The following LTV1 variants were observed in gnomAD, a reference collection of about 807,000 sequenced individuals.
LTV1 encodes the protein LTV1 ribosome biogenesis factor.
In LTV1, 39 loss-of-function variants were observed where a neutral mutation model predicts 59.9. The observed-to-expected ratio is 0.65, with a 90% CI of 0.50 to 0.85. The LOEUF (loss-of-function observed/expected upper bound fraction) is 0.85. Among genes scored for constraint, LTV1 ranks in the 40% least tolerant of loss-of-function variants. The pLI is 0.00. For missense variants in LTV1, 493 were observed against 549.1 expected (o/e 0.90, Z 1.02); for synonymous variants, 171 against 189.5 (o/e 0.90, Z 0.80).
chr6:143,844,589 C>T lies in LTV1; in HGVS notation c.107C>T (p.Pro36Leu). ...RDPLAADESA[P>L]QRVLLPTQKI... Reference sequence around the variant, plus strand: ...CCTTTAGCAGCAGATGAGAGTGCACCCCAGAGGGTTCTATTGCCCACACAA... The same window carrying T: ...CCTTTAGCAGCAGATGAGAGTGCACTCCAGAGGGTTCTATTGCCCACACAA... Residue 36 changes from proline (P) to leucine (L), a missense_variant, in exon 2 of 11, where the codon CCC (proline) becomes CTC (leucine). Coordinates refer to ENST00000367576, the MANE Select transcript of LTV1 (RefSeq NM_032860.5). 6.2e-7 allele frequency: 1 copy of T among 1,613,928 alleles called. No homozygotes were observed. The highest frequency in any genetic ancestry group is 8.5e-7 in the Non-Finnish European group (1 of 1,179,996).
rs962387006 is a variant in LTV1, at chr6:143,863,198, T to C, written c.1229T>C (p.Leu410Pro). 1.2e-6 allele frequency: 2 copies of C among 1,613,884 alleles called. No individual in the cohort carries two copies. The highest frequency in any genetic ancestry group is 2.7e-5 in the African/African-American group (2 of 74,918). ...ERIQMINGSD[L>P]PKVSTQPRSK... ...ATACAGATGATTAATGGCAGTGATCTTCCTAAAGTATCAACTCAGCCACGT... is the reference window on the plus strand; with the variant it reads ...ATACAGATGATTAATGGCAGTGATCCTCCTAAAGTATCAACTCAGCCACGT... The change falls in exon 10 of 11, where the codon CTT becomes CCT. Residue 410 changes from leucine to proline, a missense_variant. Leu to Pro is a moderately conservative substitution (Grantham distance 98). Coordinates refer to ENST00000367576, the MANE Select transcript of LTV1 (RefSeq NM_032860.5). This position sits in a 1 kb window ranked among gnomAD's most constrained non-coding sequence, Gnocchi z 4.5.
intron 6 of LTV1, 66 bp from the exon 7 acceptor site, chr6:143,860,357 ATTT>A: frequency 7.0e-7 from 1 of 1,435,084 alleles, no homozygotes; most frequent in Non-Finnish European, 9.5e-7. Flanking sequence ...ATGTAAAAAA[ATTT>A]TTAAGTGTGT....
intron 4 of LTV1, among the ~76,000 whole-genome samples, chr6:143,851,381 A>G (rs1247068122): frequency 6.6e-6 from 1 of 151,768 alleles, no homozygotes. Flanking sequence ...TTAAAATCGC[A>G]AAGTCAGAAA....
chr6:143,859,696 TG>T (rs1777132093), intron 6 of LTV1, among the ~76,000 whole-genome samples: 1 of 152,236 alleles, frequency 6.6e-6, no homozygotes, highest in South Asian at 2.1e-4. Flanking sequence ...AGCTTAACAG[TG>T]TCAACACCAT....
rs137922185 is a variant in LTV1, at chr6:143,845,102, A to G, written c.135+485A>G. On this transcript the variant is annotated intron_variant, in intron 2 of 10. Transcript: ENST00000367576. Reference sequence around the variant, plus strand: ...CTGCCGTTTCATAACCGCAAACTGCATTTTGCCTCCTGCTTGCTCATCTTA... The same window carrying G: ...CTGCCGTTTCATAACCGCAAACTGCGTTTTGCCTCCTGCTTGCTCATCTTA... 5.3e-5 allele frequency among the ~76,000 whole-genome samples: 8 copies of G among 152,222 alleles called. No individual in the cohort carries two copies. In the East Asian group the frequency reaches 5.8e-4, roughly 11 times the overall value.
At chr6:143,844,443 T>C (rs375084327) in intron 1 of LTV1, 43 bp from the exon 2 acceptor site, 21 of 1,602,596 alleles carry the variant, frequency 1.3e-5, no homozygotes, top group Non-Finnish European at 1.7e-5. Context: ...CTCCGTCTTT[T>C]TGTTCTGTTT....
At position 143,857,803 on chromosome 6, in the gene LTV1, GGGAGATAGC is replaced by G; in HGVS notation, c.592_600del (p.Gly198_Ser200del). The G allele has an allele frequency of 6.2e-7, 1 of 1,614,052 alleles. No homozygotes were observed. The highest frequency in any genetic ancestry group is 8.5e-7 in the Non-Finnish European group (1 of 1,179,926). On this transcript the variant is annotated inframe_deletion, in exon 6 of 11. Coordinates refer to ENST00000367576, the MANE Select transcript of LTV1 (RefSeq NM_032860.5). This position sits in a 1 kb window ranked among gnomAD's most constrained non-coding sequence, Gnocchi z 5.2. ...AGTGGGAAGATGTGGATGATGAGAA[GGGAGATAGC>G]AATGATGACTATGACTCTGCAGGCC...
chr6:143,863,077 GTATT>G lies in LTV1; in HGVS notation c.1117-7_1117-4del. 6.2e-7 allele frequency: 1 copy of G among 1,609,914 alleles called. No homozygotes were observed. Among genetic ancestry groups the G allele is most frequent in the Non-Finnish European group, 8.5e-7 (1 of 1,176,442 alleles). ...AAGTAACTCTAGTACCATTTTATCT[GTATT>G]TCAGCCCAAACAAATTCGAATATCT... is the stretch of plus-strand genomic sequence containing the variant. On this transcript the variant is annotated splice_region_variant and splice_polypyrimidine_tract_variant and intron_variant, in intron 9 of 10. Coordinates refer to ENST00000367576, the MANE Select transcript of LTV1 (RefSeq NM_032860.5). This position sits in a 1 kb window ranked among gnomAD's most constrained non-coding sequence, Gnocchi z 4.5.
intron 4 of LTV1, among the ~76,000 whole-genome samples, chr6:143,851,878 C>A (rs1046920382): frequency 1.3e-5 from 2 of 152,178 alleles, no homozygotes; most frequent in Non-Finnish European, 2.9e-5. Flanking sequence ...CCAGCTTCAT[C>A]CATGTCCCTG....
intron 3 of LTV1, among the ~76,000 whole-genome samples, chr6:143,847,910 C>T (rs1227520015): frequency 6.6e-6 from 1 of 152,100 alleles, no homozygotes; most frequent in Non-Finnish European, 1.5e-5. Context: ...TAATGAATAA[C>T]CCCTAGAAAC....
chr6:143,862,294 A>G lies in LTV1; in HGVS notation c.1063+51A>G. 6.4e-7 allele frequency: 1 copy of G among 1,556,654 alleles called. No individual in the cohort carries two copies. The highest frequency in any genetic ancestry group is 8.8e-7 in the Non-Finnish European group (1 of 1,137,060). ...AATTTTAAAGTATTAAAGTATATCA[A>G]CTTTAGGCTGGGTGCGGTGCCTCAC... On this transcript the variant is annotated intron_variant, in intron 8 of 10. Transcript: ENST00000367576. The surrounding 1 kb of genome is among the most constrained non-coding windows in gnomAD (Gnocchi z 4.2).
intron 4 of LTV1, among the ~76,000 whole-genome samples, chr6:143,854,286 G>T (rs1054040993): frequency 2.0e-5 from 3 of 152,036 alleles, no homozygotes; most frequent in Non-Finnish European, 4.4e-5. Flanking sequence ...CTGTGGGATC[G>T]GTGGTGATAT....
intron 6 of LTV1, among the ~76,000 whole-genome samples, chr6:143,859,980 G>C (rs1777136195): frequency 1.3e-5 from 2 of 152,266 alleles, no homozygotes; most frequent in African/African-American, 4.8e-5. Context: ...GCATGTGCCT[G>C]TGGTCCCAGC....
intron 4 of LTV1, among the ~76,000 whole-genome samples, chr6:143,856,098 A>G (rs1173863027): frequency 2.0e-5 from 3 of 152,200 alleles, no homozygotes; most frequent in Admixed American, 6.5e-5. Context: ...GTCTTTTCAC[A>G]TAGTCCCATA....
At chr6:143,856,689 C>T (rs1354082462) in intron 4 of LTV1, among the ~76,000 whole-genome samples, 2 of 152,192 alleles carry the variant, frequency 1.3e-5, no homozygotes, top group Admixed American at 6.5e-5. Flanking sequence ...CAGTCAGACC[C>T]CTCTGCTGTA....
chr6:143,855,024 C>G lies in LTV1; in HGVS notation c.398-2279C>G, dbSNP rs1777049455. Among the ~76,000 whole-genome samples the G allele has an allele frequency of 1.3e-5, 2 of 152,156 alleles. No individual in the cohort carries two copies. The highest frequency in any genetic ancestry group is 2.4e-5 in the African/African-American group (1 of 41,438). ...CTTGTGAATTTTCTGTCTCGTTGAT[C>G]TGTCTAATATTGACAGTGGGGTGTT... On this transcript the variant is annotated intron_variant, in intron 4 of 10. Transcript: ENST00000367576. This position sits in a 1 kb window ranked among gnomAD's most constrained non-coding sequence, Gnocchi z 4.6.
rs897877031 is a variant in LTV1, at chr6:143,863,797, A to G, written c.*270A>G. The G allele has an allele frequency of 5.9e-5, 16 of 269,188 alleles. 1 individual carries two copies. The highest frequency in any genetic ancestry group is 2.8e-5 in the Non-Finnish European group (4 of 143,826). 16.7% of individuals were successfully genotyped at this position (269,188 alleles called of 1,614,324 possible). A position where few individuals can be genotyped will look rare whatever the true frequency, so the allele number is the denominator to read the frequency against. ...AATGTTTGATAAATTAAAGGAAAAT[A>G]TCTTCATAACGTGAATGGAATTGGT... On this transcript the variant is annotated 3_prime_UTR_variant, in exon 11 of 11. Transcript: ENST00000367576. This position sits in a 1 kb window ranked among gnomAD's most constrained non-coding sequence, Gnocchi z 4.5.
chr6:143,843,758 A>G (rs74835989), intron 1 of LTV1, among the ~76,000 whole-genome samples: 3,923 of 152,150 alleles, frequency 0.026, 127 homozygotes, highest in African/African-American at 0.079. Context: ...TCGGTTAACT[A>G]AAAGCTGGTG....
chr6:143,848,664 G>A (rs1189872818), intron 3 of LTV1, among the ~76,000 whole-genome samples: 1 of 152,204 alleles, frequency 6.6e-6, no homozygotes, highest in Non-Finnish European at 1.5e-5. Flanking sequence ...GAGGAAACAA[G>A]CATAAGAACC....
Sources: allele counts gnomAD v4.1 joint callset (sites outside exome capture counted in the v4.1 genomes callset), GRCh38; gene constraint gnomAD v4.1.1; non-coding constraint Gnocchi (gnomAD v3.1); transcripts MANE v1.5; gene names NCBI Gene and HGNC (gene_info 2026-07-23, HGNC 2026-07-21).